Variants in IL31RA observed in about 807,000 individuals in gnomAD.
The protein encoded by IL31RA is interleukin 31 receptor A.
Under a neutral mutation model 83.7 loss-of-function variants are expected in IL31RA, and 66 were observed. The observed-to-expected ratio is 0.79, with a 90% CI of 0.65 to 0.97. The LOEUF (loss-of-function observed/expected upper bound fraction) is 0.97, where lower values mean the gene tolerates loss of function less well. IL31RA is among the 50% of genes least tolerant of loss of function. The pLI is 0.00. For missense variants in IL31RA, 798 were observed against 919.4 expected (o/e 0.87, Z 1.71); for synonymous variants, 325 against 329.0 (o/e 0.99, Z 0.13).
intron 4 of IL31RA, among the ~76,000 whole-genome samples, chr5:55,876,001 T>A (rs1276133338): frequency 6.6e-6 from 1 of 152,228 alleles, no homozygotes; most frequent in African/African-American, 2.4e-5. Flanking sequence ...ATAATAATTT[T>A]ATAATAATTA....
intron 2 of IL31RA, among the ~76,000 whole-genome samples, chr5:55,861,915 G>A (rs1266744918): frequency 6.6e-6 from 1 of 152,180 alleles, no homozygotes; most frequent in Admixed American, 6.5e-5. Context: ...CACTGACTTT[G>A]CAACAGCACC....
At chr5:55,854,728 G>C (rs998742351) in intron 1 of IL31RA, among the ~76,000 whole-genome samples, 13 of 142,886 alleles carry the variant, frequency 9.1e-5, no homozygotes, top group Admixed American at 8.5e-4. Context: ...CTGGGTCACA[G>C]AGTGAGACCC....
rs1480056039 is a variant in IL31RA at position 55,872,192 on chromosome 5, A to G, written c.273-78A>G. On this transcript the variant is annotated intron_variant, in intron 3 of 14. Coordinates refer to ENST00000652347, the MANE Select transcript of IL31RA (RefSeq NM_139017.7). ...AAACCCAGAGAAAAACTAACAAATT[A>G]CTGCTTAATACATTAAATATGGTTA... 4 of 1,059,544 alleles carry G rather than the reference A, an allele frequency of 3.8e-6. No individual in the cohort carries two copies. In the East Asian group the frequency reaches 9.8e-5, roughly 26 times the overall value. The allele number at this position is 1,059,544 out of a possible 1,614,324, so 65.6% of individuals were successfully genotyped here. A position where few individuals can be genotyped will look rare whatever the true frequency, so the allele number is the denominator to read the frequency against.
At chr5:55,897,785 G>A (rs1445341935) in intron 7 of IL31RA, among the ~76,000 whole-genome samples, 7 of 152,178 alleles carry the variant, frequency 4.6e-5, no homozygotes, top group Non-Finnish European at 1.5e-5. Flanking sequence ...AGAGTGAAAA[G>A]ATGGGGAAGA....
chr5:55,853,537 AC>A (rs1745180728), intron 1 of IL31RA: 1 of 1,550,936 alleles, frequency 6.4e-7, no homozygotes, highest in African/African-American at 1.4e-5. Context: ...AGCCAGCAGA[AC>A]ATCTGTGGAA....
chr5:55,888,041 G>GAA (rs111442550), intron 5 of IL31RA, among the ~76,000 whole-genome samples: 34 of 137,184 alleles, frequency 2.5e-4, no homozygotes, highest in African/African-American at 8.4e-4. Flanking sequence ...CAGAGTCAGG[G>GAA]AAAAAAAAAA....
In IL31RA at chr5:55,896,425, G is replaced by A. The variant is rs1279405033; in HGVS notation, c.848G>A (p.Trp283Ter). 6.8e-6 allele frequency: 11 copies of A among 1,609,214 alleles called. No individual in the cohort carries two copies. Among genetic ancestry groups the A allele is most frequent in the Non-Finnish European group, 9.4e-6 (11 of 1,175,910 alleles). ...GGAAGAAGGCCAGTGCGGTTGTTATGGAAGGTGACCTCCCTCTGGATTCTT... is the reference window on the plus strand; with the variant it reads ...GGAAGAAGGCCAGTGCGGTTGTTATAGAAGGTGACCTCCCTCTGGATTCTT... ...ADGRRPVRLL[W>*]KKARGAPVLE... Residue 283 changes from tryptophan (W) to a stop codon, truncating the protein, a stop_gained, in exon 7 of 15, where the codon TGG becomes TAG. Coordinates refer to ENST00000652347, the MANE Select transcript of IL31RA (RefSeq NM_139017.7). LOFTEE classifies it high-confidence loss of function.
At chr5:55,873,389 T>G (rs977791083) in intron 4 of IL31RA, among the ~76,000 whole-genome samples, 1 of 152,142 alleles carries the variant, frequency 6.6e-6, no homozygotes, top group African/African-American at 2.4e-5. Context: ...ATTTTTTGTG[T>G]GGACATGTTT....
chr5:55,870,171 A>G (rs1580673913), intron 3 of IL31RA, among the ~76,000 whole-genome samples: 1 of 152,352 alleles, frequency 6.6e-6, no homozygotes, highest in East Asian at 1.9e-4. Flanking sequence ...GGCAATATAT[A>G]AACCAATGGG....
chr5:55,905,289 G>A (rs999002523), intron 8 of IL31RA, among the ~76,000 whole-genome samples: 3 of 152,082 alleles, frequency 2.0e-5, no homozygotes, highest in Non-Finnish European at 2.9e-5. Flanking sequence ...GGAGTGCAAC[G>A]CTGGTGAGGA....
intron 5 of IL31RA, among the ~76,000 whole-genome samples, chr5:55,887,411 G>A (rs1031462639): frequency 6.6e-6 from 1 of 152,174 alleles, no homozygotes; most frequent in Non-Finnish European, 1.5e-5. Flanking sequence ...AGCCATGTGA[G>A]CCTCTTAGAA....
chr5:55,878,996 G>T (rs759489345), intron 4 of IL31RA, among the ~76,000 whole-genome samples: 4 of 152,026 alleles, frequency 2.6e-5, no homozygotes, highest in Admixed American at 6.6e-5. Flanking sequence ...GTCTTACCCA[G>T]TTTCTCCTTA....
At chr5:55,895,891 A>T (rs1748303921) in intron 6 of IL31RA, among the ~76,000 whole-genome samples, 2 of 151,754 alleles carry the variant, frequency 1.3e-5, no homozygotes, top group African/African-American at 4.8e-5. Context: ...TTGTCATTTA[A>T]TTTTTTCTTT....
At position 55,913,535 on chromosome 5, in the gene IL31RA, TA is replaced by T; in HGVS notation, c.1702del (p.Ile568SerfsTer2). 6.2e-7 allele frequency: 1 copy of T among 1,613,550 alleles called. No homozygotes were observed. The highest frequency in any genetic ancestry group is 1.6e-4 in the Middle Eastern group (1 of 6,062). On this transcript the variant is annotated frameshift_variant, in exon 13 of 15. Coordinates refer to ENST00000652347, the MANE Select transcript of IL31RA (RefSeq NM_139017.7). LOFTEE classifies it high-confidence loss of function. ...LIGGGLLILI[I>X]LTVAYGLKKP... ...TTGGTGGAGGCCTTCTTATTCTCAT[TA>T]TCCTGACAGTGGCATATGGTCTCAA...
the IL31RA span, among the ~76,000 whole-genome samples, chr5:55,841,980 A>G: frequency 6.6e-6 from 1 of 151,428 alleles, no homozygotes; most frequent in Admixed American, 6.6e-5. Flanking sequence ...TGGTCTTGCT[A>G]TGTTGCCCAA....
At chr5:55,864,431 A>G (rs1745894001) in intron 2 of IL31RA, among the ~76,000 whole-genome samples, 1 of 148,192 alleles carries the variant, frequency 6.7e-6, no homozygotes, top group Admixed American at 6.8e-5. Flanking sequence ...CACACACCCC[A>G]CACTACACAC....
intron 6 of IL31RA, among the ~76,000 whole-genome samples, chr5:55,895,283 C>G (rs1748261934): frequency 1.3e-5 from 2 of 152,210 alleles, no homozygotes; most frequent in South Asian, 4.1e-4. Context: ...CTGCTTTCCT[C>G]TCATGGCTAA....
chr5:55,893,189 G>A (rs991316490), intron 6 of IL31RA, among the ~76,000 whole-genome samples: 1 of 152,202 alleles, frequency 6.6e-6, no homozygotes. Context: ...GAAATAATTT[G>A]ATTCAAATCC....
chr5:55,871,912 G>C (rs1746530705), intron 3 of IL31RA, among the ~76,000 whole-genome samples: 1 of 151,654 alleles, frequency 6.6e-6, no homozygotes, highest in Non-Finnish European at 1.5e-5. Context: ...ATATGTAAAA[G>C]AATAAATTTT....
Sources: allele counts gnomAD v4.1 joint callset (sites outside exome capture counted in the v4.1 genomes callset), GRCh38; gene constraint gnomAD v4.1.1; transcripts MANE v1.5; gene names NCBI Gene and HGNC (gene_info 2026-07-23, HGNC 2026-07-21).